RBM27: variants seen among roughly 807,000 people sequenced by gnomAD.
RBM27 encodes RNA-binding protein 27.
RBM27 carries 22 observed loss-of-function variants against 135.3 expected under a neutral mutation model. The ratio of observed to expected loss-of-function variants is 0.16; its 90% CI spans 0.12 to 0.23. RBM27 has a LOEUF of 0.23. RBM27 is among the 10% of genes least tolerant of loss of function. The pLI, the probability that RBM27 is intolerant of heterozygous loss-of-function variation, is 1.00. For missense variants in RBM27, 1,009 were observed against 1,281.0 expected, an observed-to-expected ratio of 0.79 and a Z score of 3.24; for synonymous variants, 481 against 442.4, an observed-to-expected ratio of 1.09 and a Z score of -1.10.
Position 146,285,439 on chromosome 5 carries a change from G to A in RBM27, c.3100-508G>A, listed in dbSNP as rs114334680. Reference sequence around the variant, plus strand: ...TCCCTAGATTAAAAGAAAAACAGAAGTCATGGTATTTGGGTAGTGTTTGCA... The same window carrying A: ...TCCCTAGATTAAAAGAAAAACAGAAATCATGGTATTTGGGTAGTGTTTGCA... On this transcript the variant is annotated intron_variant, in intron 20 of 20. Transcript: ENST00000265271. Among the ~76,000 whole-genome samples the A allele has an allele frequency of 3.1e-3, 474 of 152,138 alleles. 4 individuals are homozygous for A. Among genetic ancestry groups the A allele is most frequent in the African/African-American group, 0.011 (458 of 41,536 alleles).
chr5:146,268,319 T>C (rs939112058), intron 15 of RBM27, among the ~76,000 whole-genome samples: 2 of 151,730 alleles, frequency 1.3e-5, no homozygotes, highest in African/African-American at 4.8e-5. Context: ...CTTGGCTCAC[T>C]GCAACCTCCG....
intron 13 of RBM27, among the ~76,000 whole-genome samples, chr5:146,263,165 T>C (rs1758468144): frequency 6.6e-6 from 1 of 152,192 alleles, no homozygotes; most frequent in Non-Finnish European, 1.5e-5. Flanking sequence ...ATTATATGTG[T>C]GAGCCACTGT....
chr5:146,269,548 A>C lies in RBM27; in HGVS notation c.2655A>C (p.Ala885=), dbSNP rs771485589. 6.3e-7 allele frequency: 1 copy of C among 1,575,452 alleles called. No homozygotes were observed. The highest frequency in any genetic ancestry group is 8.6e-7 in the Non-Finnish European group (1 of 1,167,902). ...QLKDELKTSS[A]VSTPSKVKTK... ...AAGATGAATTAAAAACATCTTCTGC[A>C]GTCTCCACACCATCTAAAGTGAAGA... The change falls in exon 17 of 21, where the codon GCA becomes GCC. Residue 885 remains alanine (A), a synonymous_variant. Coordinates refer to ENST00000265271, the MANE Select transcript of RBM27 (RefSeq NM_018989.2).
At position 146,233,553 on chromosome 5, in the gene RBM27, CCCT is replaced by C; in HGVS notation, c.961_963del (p.Pro321del). 1 of 1,613,440 alleles carries C rather than the reference CCCT, an allele frequency of 6.2e-7. No homozygotes were observed. The highest frequency in any genetic ancestry group is 8.5e-7 in the Non-Finnish European group (1 of 1,179,778). ...TGCCAAGTATGATTCCTTTCCCACC[CCCT>C]CCTCCTGGGCTTCCTCCTCCACCAC... On this transcript the variant is annotated inframe_deletion, in exon 7 of 21. Transcript: ENST00000265271.
chr5:146,211,169 A>G lies in RBM27; in HGVS notation c.59+7345A>G, dbSNP rs546408798. Reference sequence around the variant, plus strand: ...GTGGTTCACACCTGTCGTCCTACCTACTTGAGAGGCTGAGGTGGGAGGATC... The same window carrying G: ...GTGGTTCACACCTGTCGTCCTACCTGCTTGAGAGGCTGAGGTGGGAGGATC... On this transcript the variant is annotated intron_variant, in intron 1 of 20. Transcript: ENST00000265271. 2.2e-4 allele frequency among the ~76,000 whole-genome samples: 33 copies of G among 151,898 alleles called. 1 individual carries two copies. In the South Asian group the frequency reaches 6.5e-3, roughly 30 times the overall value.
rs57117642 is a variant in RBM27, at chr5:146,211,464, C to CTTTTTTTTTTTTTTT, written c.60-7505_60-7491dup. Reference sequence around the variant, plus strand: ...CTTACTTTGTCCAGTATGGTCTTATCTTTTTTTTTTTTTTTTTTTTTTTTT... The same window carrying CTTTTTTTTTTTTTTT: ...CTTACTTTGTCCAGTATGGTCTTATCTTTTTTTTTTTTTTTTTTTTTTTTTTTTTTTTTTTTTTTT... On this transcript the variant is annotated intron_variant, in intron 1 of 20. Transcript: ENST00000265271. Among the ~76,000 whole-genome samples, 45 of 49,934 alleles carry CTTTTTTTTTTTTTTT rather than the reference C, an allele frequency of 9.0e-4. 3 individuals carry two copies. The highest frequency in any genetic ancestry group is 2.7e-3 in the Admixed American group (7 of 2,574). 32.8% of individuals were successfully genotyped at this position (49,934 alleles called of 152,430 possible).
At chr5:146,242,131 T>A (rs1160990888) in intron 8 of RBM27, among the ~76,000 whole-genome samples, 1 of 152,102 alleles carries the variant, frequency 6.6e-6, no homozygotes. Flanking sequence ...CTTTTGTATG[T>A]AGAGGCAGGG....
Position 146,269,518 on chromosome 5 carries a change from A to G in RBM27, c.2625A>G (p.Gln875=). Residue 875 remains glutamine (Q), a synonymous_variant, in exon 17 of 21, where the codon CAA becomes CAG. Coordinates refer to ENST00000265271, the MANE Select transcript of RBM27 (RefSeq NM_018989.2). The part of the protein sequence containing the change: ...TLKELGEKIS[Q]LKDELKTSSA... ...AAGAGCTTGGAGAGAAGATCTCACA[A>G]TTAAAAGATGAATTAAAAACATCTT... 6.3e-7 allele frequency: 1 copy of G among 1,583,164 alleles called. No homozygotes were observed. The highest frequency in any genetic ancestry group is 8.6e-7 in the Non-Finnish European group (1 of 1,169,136).
At chr5:146,230,595 A>G (rs1421832215) in intron 5 of RBM27, 62 bp from the exon 6 acceptor site, 5 of 1,509,696 alleles carry the variant, frequency 3.3e-6, no homozygotes, top group Non-Finnish European at 2.7e-6. Context: ...AAATAAATAT[A>G]GTTTAAGAAC....
At position 146,261,572 on chromosome 5, in the gene RBM27, G is replaced by A. The variant is rs1235193211; in HGVS notation, c.1956G>A (p.Arg652=). The change falls in exon 13 of 21, where the codon AGG becomes AGA. Residue 652 remains arginine, a synonymous_variant. Transcript: ENST00000265271. ...AATATCTTACCAATGAGGAGGCCAG[G>A]AAAGCCATTTCTAGCACAGAAGCAG... is the stretch of plus-strand genomic sequence containing the variant. ...LIQYLTNEEA[R]KAISSTEAVL... 4 of 1,614,074 alleles carry A rather than the reference G, an allele frequency of 2.5e-6. No homozygotes were observed. The African/African-American group carries it at 5.3e-5, about 22-fold the overall frequency.
chr5:146,239,803 G>A (rs1463082420), intron 8 of RBM27, among the ~76,000 whole-genome samples: 51 of 140,898 alleles, frequency 3.6e-4, no homozygotes, highest in African/African-American at 1.3e-3. Flanking sequence ...TTGAGACAGA[G>A]TCTCAACTCT....
chr5:146,224,635 T>C (rs1345838739), intron 3 of RBM27, among the ~76,000 whole-genome samples: 1 of 151,884 alleles, frequency 6.6e-6, no homozygotes, highest in Non-Finnish European at 1.5e-5. Context: ...TGAGCCGAGA[T>C]CATACTGTTG....
At position 146,258,587 on chromosome 5, in the gene RBM27, TG is replaced by T; in HGVS notation, c.1736del (p.Gly579GlufsTer24). 1 of 1,568,336 alleles carries T rather than the reference TG, an allele frequency of 6.4e-7. No homozygotes were observed. The highest frequency in any genetic ancestry group is 2.3e-5 in the East Asian group (1 of 43,202). ...LEGPLTKKPW[L>X]GKQGNNNQNK... ...GGGCCACTCACAAAGAAACCTTGGC[TG>T]GGAAAGTAAGATAATTTGCTAATTA... On this transcript the variant is annotated frameshift_variant, in exon 11 of 21. Coordinates refer to ENST00000265271, the MANE Select transcript of RBM27 (RefSeq NM_018989.2). LOFTEE classifies it high-confidence loss of function.
chr5:146,284,456 T>C (rs1023762089), intron 19 of RBM27, among the ~76,000 whole-genome samples, 166 bp from the exon 20 acceptor site: 1 of 152,208 alleles, frequency 6.6e-6, no homozygotes, highest in African/African-American at 2.4e-5. Flanking sequence ...ATAGTTGCTC[T>C]AATTAAAAGG....
chr5:146,272,416 T>C (rs13180255), intron 19 of RBM27, among the ~76,000 whole-genome samples: 32,741 of 152,010 alleles, frequency 0.22, 4,313 homozygotes, highest in Admixed American at 0.33. Flanking sequence ...GTATTTTCAG[T>C]CCTATTAAGT....
At chr5:146,267,813 T>G in intron 15 of RBM27, 45 bp downstream of exon 15, 1 of 1,581,626 alleles carries the variant, frequency 6.3e-7, no homozygotes, top group Non-Finnish European at 8.6e-7. Flanking sequence ...AAAGATGCCT[T>G]GAATTTTTAA....
At chr5:146,238,625 GTAGT>G (rs1757269533) in intron 8 of RBM27, among the ~76,000 whole-genome samples, 1 of 151,094 alleles carries the variant, frequency 6.6e-6, no homozygotes, top group Non-Finnish European at 1.5e-5. Flanking sequence ...TTTTAAAAAG[GTAGT>G]TGGTTGTTAA....
intron 10 of RBM27, among the ~76,000 whole-genome samples, chr5:146,256,906 A>G (rs901270430): frequency 1.3e-5 from 2 of 152,172 alleles, no homozygotes; most frequent in Non-Finnish European, 2.9e-5. Flanking sequence ...ATTAATTAAA[A>G]AAAAGCATTA....
At chr5:146,228,818 TC>T in intron 3 of RBM27, 127 bp from the exon 4 acceptor site, 1 of 613,664 alleles carries the variant, frequency 1.6e-6, no homozygotes, top group East Asian at 3.0e-5. Context: ...TCCCTGTGTT[TC>T]CCAGGCTGGT....
Sources: allele counts gnomAD v4.1 joint callset (sites outside exome capture counted in the v4.1 genomes callset), GRCh38; gene constraint gnomAD v4.1.1; transcripts MANE v1.5; gene names NCBI Gene and HGNC (gene_info 2026-07-23, HGNC 2026-07-21).